The following SPON1 variants were observed in gnomAD, a reference collection of about 807,000 sequenced individuals.
The protein encoded by SPON1 is spondin-1.
In SPON1, 52 loss-of-function variants were observed where a neutral mutation model predicts 111.7. The observed-to-expected ratio is 0.47, with a 90% CI of 0.37 to 0.59. The LOEUF is 0.59. SPON1 is among the 20% of genes least tolerant of loss of function. The pLI, the probability that SPON1 is intolerant of heterozygous loss-of-function variation, is 0.00. For synonymous variants in SPON1, 410 were observed against 395.8 expected (o/e 1.04, Z -0.43); for missense variants, 957 against 1,068.5 (o/e 0.90, Z 1.46).
chr11:14,160,897 TTATATA>T (rs1311148361), intron 6 of SPON1, among the ~76,000 whole-genome samples: 1 of 51,316 alleles, frequency 1.9e-5, no homozygotes. Flanking sequence ...TTATATATAT[TTATATA>T]TTTATATATA....
chr11:14,021,096 G>A (rs1185112922), intron 2 of SPON1, among the ~76,000 whole-genome samples: 2 of 152,040 alleles, frequency 1.3e-5, no homozygotes, highest in Admixed American at 1.3e-4. Flanking sequence ...TTATCTGGGA[G>A]GTAAAATCCT....
At chr11:14,126,823 CT>C (rs1321166667) in intron 5 of SPON1, among the ~76,000 whole-genome samples, 1 of 152,160 alleles carries the variant, frequency 6.6e-6, no homozygotes, top group Non-Finnish European at 1.5e-5. Flanking sequence ...TCTTTTCTCT[CT>C]CCTCCTCTAT....
At chr11:14,201,922 T>C (rs1452191554) in intron 6 of SPON1, among the ~76,000 whole-genome samples, 2 of 152,188 alleles carry the variant, frequency 1.3e-5, no homozygotes, top group Admixed American at 6.5e-5. Context: ...AGTCATTTTT[T>C]TTCCTAATCT....
At chr11:14,045,312 G>A (rs782570841) in intron 3 of SPON1, among the ~76,000 whole-genome samples, 2 of 152,110 alleles carry the variant, frequency 1.3e-5, no homozygotes, top group African/African-American at 4.8e-5. Flanking sequence ...GCTCTTGCTT[G>A]TAATCCCAGC....
intron 1 of SPON1, among the ~76,000 whole-genome samples, chr11:13,980,558 T>A (rs1554909520): frequency 2.0e-5 from 3 of 152,028 alleles, no homozygotes; most frequent in African/African-American, 7.3e-5. Flanking sequence ...TTATTATTAT[T>A]ATATTTTAAG....
At chr11:14,200,634 G>C (rs1554935515) in intron 6 of SPON1, among the ~76,000 whole-genome samples, 1 of 151,538 alleles carries the variant, frequency 6.6e-6, no homozygotes, top group African/African-American at 2.4e-5. Flanking sequence ...GCCAACATGG[G>C]GAAACCCCGT....
In SPON1 at chr11:14,151,082, A is replaced by G. The variant is rs782588559; in HGVS notation, c.825+15514A>G. On this transcript the variant is annotated intron_variant, in intron 6 of 15. Coordinates refer to ENST00000576479, the MANE Select transcript of SPON1 (RefSeq NM_006108.4). ...AGAGCTGAATCCGTGCCACCGTTGC[A>G]TCTGGTCTGCAGATCTGTTTTCCAA... 2.0e-5 allele frequency among the ~76,000 whole-genome samples: 3 copies of G among 152,312 alleles called. No homozygotes were observed. The South Asian group carries it at 6.2e-4, about 32-fold the overall frequency.
At chr11:14,203,452 C>T (rs548591505) in intron 6 of SPON1, among the ~76,000 whole-genome samples, 9 of 152,294 alleles carry the variant, frequency 5.9e-5, no homozygotes, top group Admixed American at 5.2e-4. Context: ...CATATTTTAG[C>T]CTCTGAAAGA....
rs1848554926 is a variant in SPON1, at chr11:14,209,775, C to A, written c.826-33557C>A. ...GATTTATAATCCTTTGGGTATATAC[C>A]CAGTAATGGATTGCTGGGTCAAATG... is the stretch of plus-strand genomic sequence containing the variant. On this transcript the variant is annotated intron_variant, in intron 6 of 15. Transcript: ENST00000576479. Among the ~76,000 whole-genome samples the A allele has an allele frequency of 2.6e-5, 4 of 152,102 alleles. No homozygotes were observed. In the South Asian group the frequency reaches 8.3e-4, roughly 32 times the overall value.
In SPON1 at chr11:13,970,786, A is replaced by G. The variant is rs1848057274; in HGVS notation, c.238+7644A>G. Among the ~76,000 whole-genome samples, 3 of 152,258 alleles carry G rather than the reference A, an allele frequency of 2.0e-5. No individual in the cohort carries two copies. In the South Asian group the frequency reaches 6.2e-4, roughly 32 times the overall value. On this transcript the variant is annotated intron_variant, in intron 1 of 15. Coordinates refer to ENST00000576479, the MANE Select transcript of SPON1 (RefSeq NM_006108.4). ...GAATCTCTTTAAAGAGGCTGCTCTC[A>G]CTACCAATTTATGTTTCCCGTCACT...
chr11:14,062,219 C>G (rs782159899), intron 3 of SPON1, among the ~76,000 whole-genome samples: 17 of 152,100 alleles, frequency 1.1e-4, no homozygotes, highest in Admixed American at 2.6e-4. Context: ...TATTCAGAAC[C>G]CTTGCTGGGC....
At chr11:14,037,269 A>G (rs1554916750) in intron 2 of SPON1, among the ~76,000 whole-genome samples, 3 of 152,154 alleles carry the variant, frequency 2.0e-5, no homozygotes, top group African/African-American at 7.2e-5. Context: ...GACAATGACA[A>G]CAATTCAGTT....
chr11:14,152,332 T>C (rs987359744), intron 6 of SPON1, among the ~76,000 whole-genome samples: 5 of 152,224 alleles, frequency 3.3e-5, no homozygotes, highest in Non-Finnish European at 7.3e-5. Context: ...GTTACAGTAC[T>C]TCTTAATTTA....
At chr11:14,192,355 G>A (rs1848355432) in intron 6 of SPON1, among the ~76,000 whole-genome samples, 1 of 151,858 alleles carries the variant, frequency 6.6e-6, no homozygotes, top group African/African-American at 2.4e-5. Context: ...TCAGTGCCTT[G>A]CACATAATAG....
At chr11:14,149,471 A>G (rs1847763059) in intron 6 of SPON1, among the ~76,000 whole-genome samples, 1 of 152,204 alleles carries the variant, frequency 6.6e-6, no homozygotes, top group African/African-American at 2.4e-5. Flanking sequence ...AGAATAAGCT[A>G]AGGTTAATTT....
At chr11:14,122,058 G>A (rs1554926552) in intron 5 of SPON1, among the ~76,000 whole-genome samples, 1 of 151,836 alleles carries the variant, frequency 6.6e-6, no homozygotes, top group Non-Finnish European at 1.5e-5. Context: ...GATGTGCTTA[G>A]GCATCATTCT....
chr11:14,210,879 T>C (rs1438611384), intron 6 of SPON1, among the ~76,000 whole-genome samples: 2 of 152,224 alleles, frequency 1.3e-5, no homozygotes, highest in East Asian at 1.9e-4. Context: ...CCGTTGCTTG[T>C]TTTTGTCAGG....
At position 14,007,760 on chromosome 11, in the gene SPON1, C is replaced by T. The variant is rs531357782; in HGVS notation, c.345+24807C>T. 5.3e-3 allele frequency among the ~76,000 whole-genome samples: 801 copies of T among 152,246 alleles called. 9 individuals are homozygous for T. Among genetic ancestry groups the T allele is most frequent in the African/African-American group, 0.018 (740 of 41,548 alleles). ...GGCCCAGCTCCTAACAGGCCACAGA[C>T]TGGGGGCTGGGGACTCCTGCTCTAG... On this transcript the variant is annotated intron_variant, in intron 2 of 15. Transcript: ENST00000576479.
intron 2 of SPON1, among the ~76,000 whole-genome samples, chr11:13,989,031 A>C (rs2133785454): frequency 6.6e-6 from 1 of 152,060 alleles, no homozygotes; most frequent in South Asian, 2.1e-4. Flanking sequence ...TGTCTCTGTG[A>C]GGTTTTGGTA....
Sources: gnomAD v4.1 joint callset for allele counts (sites outside exome capture counted in the v4.1 genomes callset) on GRCh38, gnomAD v4.1.1 for gene constraint, MANE v1.5 for transcripts, NCBI Gene and HGNC (gene_info 2026-07-23, HGNC 2026-07-21) for gene names.